The following MPEG1 variants were observed in gnomAD, a reference collection of about 807,000 sequenced individuals.
MPEG1 encodes macrophage-expressed gene 1 protein.
For missense variants in MPEG1, 876 were observed against 880.3 expected, an observed-to-expected ratio of 1.00 and a Z score of 0.06; for synonymous variants, 365 against 351.9, an observed-to-expected ratio of 1.04 and a Z score of -0.42.
rs1394846021 is a variant in MPEG1 at position 59,210,633 on chromosome 11, C to G, written c.*82G>C. 10 of 1,328,466 alleles carry G rather than the reference C, an allele frequency of 7.5e-6. No homozygotes were observed. Among genetic ancestry groups the G allele is most frequent in the Non-Finnish European group, 1.1e-5 (10 of 951,528 alleles). The allele number at this position is 1,328,466 out of a possible 1,614,324, so 82.3% of individuals were successfully genotyped here. A position where few individuals can be genotyped will look rare whatever the true frequency, so the allele number is the denominator to read the frequency against. On this transcript the variant is annotated 3_prime_UTR_variant, in exon 1 of 1. Coordinates refer to ENST00000361050, the MANE Select transcript of MPEG1 (RefSeq NM_001039396.2). ...ACGAATATACCTACTTTTGGTTGCA[C>G]TTGCCATTTCAATGCTTAGGAAAAC...
chr11:59,212,573 G>A lies in MPEG1; in HGVS notation c.293C>T (p.Ser98Leu). Reference sequence around the variant, plus strand: ...ATTTGCCCAGGATTCCAGGATTTCTGAGTTCATCTCCAGGTTGCTCTGTTT... The same window carrying A: ...ATTTGCCCAGGATTCCAGGATTTCTAAGTTCATCTCCAGGTTGCTCTGTTT... ...PQKQSNLEMN[S>L]EILESWANYQ... Residue 98 changes from serine (S) to leucine (L), a missense_variant, in exon 1 of 1, where the codon TCA becomes TTA. Coordinates refer to ENST00000361050, the MANE Select transcript of MPEG1 (RefSeq NM_001039396.2). The A allele has an allele frequency of 1.2e-6, 2 of 1,614,214 alleles. No individual in the cohort carries two copies. The highest frequency in any genetic ancestry group is 4.5e-5 in the East Asian group (2 of 44,886).
Position 59,211,607 on chromosome 11 carries a change from T to A in MPEG1, c.1259A>T (p.His420Leu). 1 of 1,614,152 alleles carries A rather than the reference T, an allele frequency of 6.2e-7. No individual in the cohort carries two copies. The highest frequency in any genetic ancestry group is 1.3e-5 in the African/African-American group (1 of 75,038). Reference sequence around the variant, plus strand: ...CTCCTCGTGGATCTGGGATAACAGGTGCACCGGGGAGTAGCCAGAGGGGCA... The same window carrying A: ...CTCCTCGTGGATCTGGGATAACAGGAGCACCGGGGAGTAGCCAGAGGGGCA... ...FSCPSGYSPV[H>L]LLSQIHEEGY... The change falls in exon 1 of 1, where the codon CAC becomes CTC. Residue 420 changes from histidine to leucine, a missense_variant. Transcript: ENST00000361050.
In MPEG1 at chr11:59,212,684, C is replaced by T. The variant is rs1394020974; in HGVS notation, c.182G>A (p.Arg61Gln). The T allele has an allele frequency of 6.2e-6, 10 of 1,614,116 alleles. No individual in the cohort carries two copies. In the East Asian group the frequency reaches 1.6e-4, roughly 25 times the overall value. The change falls in exon 1 of 1, where the codon CGA becomes CAA. Residue 61 changes from arginine (R) to glutamine (Q), a missense_variant. Physicochemically the swap from Arg to Gln is conservative, Grantham distance 43. Coordinates refer to ENST00000361050, the MANE Select transcript of MPEG1 (RefSeq NM_001039396.2). ...GTTGGAGTAAGTCAATTCCATAACTCGTCCCATGTCCACATTCCGCAGATT... is the reference window on the plus strand; with the variant it reads ...GTTGGAGTAAGTCAATTCCATAACTTGTCCCATGTCCACATTCCGCAGATT... ...WDNLRNVDMG[R>Q]VMELTYSNCR...
rs1862883656 is a variant in MPEG1, at chr11:59,211,102, C to T, written c.1764G>A (p.Leu588=). ...VKSGLFTGGS[L]PPARLPPFTR... ...TGAAAGGTGGGAGCCTGGCAGGGGG[C>T]AGGGACCCTCCTGTGAAGAGCCCGG... Residue 588 remains leucine (L), a synonymous_variant, in exon 1 of 1, where the codon CTG becomes CTA. Coordinates refer to ENST00000361050, the MANE Select transcript of MPEG1 (RefSeq NM_001039396.2). The T allele has an allele frequency of 6.2e-7, 1 of 1,614,074 alleles. No homozygotes were observed. Among genetic ancestry groups the T allele is most frequent in the Admixed American group, 1.7e-5 (1 of 60,006 alleles).
chr11:59,210,547 A>T lies in MPEG1; in HGVS notation c.*168T>A, dbSNP rs894151791. 1 of 647,324 alleles carries T rather than the reference A, an allele frequency of 1.5e-6. No homozygotes were observed. The highest frequency in any genetic ancestry group is 2.7e-6 in the Non-Finnish European group (1 of 376,434). The allele number at this position is 647,324 out of a possible 1,614,324, so 40.1% of individuals were successfully genotyped here. A position where few individuals can be genotyped will look rare whatever the true frequency, so the allele number is the denominator to read the frequency against. ...TAGTCCCAACTGTTCCCTCTCCCCAATCCCAACCTTATCCATGTAACAGTA... is the reference window on the plus strand; with the variant it reads ...TAGTCCCAACTGTTCCCTCTCCCCATTCCCAACCTTATCCATGTAACAGTA... On this transcript the variant is annotated 3_prime_UTR_variant, in exon 1 of 1. Coordinates refer to ENST00000361050, the MANE Select transcript of MPEG1 (RefSeq NM_001039396.2).
At position 59,211,160 on chromosome 11, in the gene MPEG1, C is replaced by T. The variant is rs375435808; in HGVS notation, c.1706G>A (p.Ser569Asn). The T allele has an allele frequency of 2.5e-6, 4 of 1,614,226 alleles. No individual in the cohort carries two copies. The highest frequency in any genetic ancestry group is 2.7e-5 in the African/African-American group (2 of 75,050). The change falls in exon 1 of 1, where the codon AGC becomes AAC. Residue 569 changes from serine to asparagine, a missense_variant. Coordinates refer to ENST00000361050, the MANE Select transcript of MPEG1 (RefSeq NM_001039396.2). ...GGFSQHPALI[S>N]DGCQVSYCVK... is the part of the protein sequence containing the mutation. ...GCAATAGGACACTTGGCATCCATCG[C>T]TGATGAGGGCTGGGTGCTGGCTGAA...
rs757689661 is a variant in MPEG1, at chr11:59,211,171, T to A, written c.1695A>T (p.Pro565=). Residue 565 remains proline, a synonymous_variant, in exon 1 of 1, where the codon CCA becomes CCT. Transcript: ENST00000361050. ...KKCPGGFSQH[P]ALISDGCQVS... ...CTTGGCATCCATCGCTGATGAGGGC[T>A]GGGTGCTGGCTGAAGCCCCCGGGGC... 5.0e-6 allele frequency: 8 copies of A among 1,614,124 alleles called. No homozygotes were observed. In the Admixed American group the frequency reaches 1.3e-4, roughly 27 times the overall value.
chr11:59,209,458 G>A lies in MPEG1; in HGVS notation c.*1257C>T, dbSNP rs1260694042. 6.6e-6 allele frequency: 1 copy of A among 152,194 alleles called. No homozygotes were observed. Among genetic ancestry groups the A allele is most frequent in the Non-Finnish European group, 1.5e-5 (1 of 68,040 alleles). 9.4% of individuals were successfully genotyped at this position (152,194 alleles called of 1,614,324 possible). Reference sequence around the variant, plus strand: ...GAGATTGGTATTAAAATTGAGCAAAGTCCCAACTCTCACCAGATGACAATT... The same window carrying A: ...GAGATTGGTATTAAAATTGAGCAAAATCCCAACTCTCACCAGATGACAATT... On this transcript the variant is annotated 3_prime_UTR_variant, in exon 1 of 1. Coordinates refer to ENST00000361050, the MANE Select transcript of MPEG1 (RefSeq NM_001039396.2).
rs1348533633 is a variant in MPEG1 at position 59,210,689 on chromosome 11, G to A, written c.*26C>T. Reference sequence around the variant, plus strand: ...GGTCAGCAATGACCACACTGGAGATGAGAGAAACCATTTTCGGGGAGAGAT... The same window carrying A: ...GGTCAGCAATGACCACACTGGAGATAAGAGAAACCATTTTCGGGGAGAGAT... On this transcript the variant is annotated 3_prime_UTR_variant, in exon 1 of 1. Transcript: ENST00000361050. The A allele has an allele frequency of 3.1e-6, 5 of 1,597,118 alleles. No individual in the cohort carries two copies. Among genetic ancestry groups the A allele is most frequent in the African/African-American group, 1.3e-5 (1 of 74,682 alleles).
Position 59,212,392 on chromosome 11 carries a change from T to A in MPEG1, c.474A>T (p.Thr158=). Reference sequence around the variant, plus strand: ...GCTCTAAAGTTGGGTTGATTTTGACTGTGTAGACGAGGTTTCTTACCTGAA... The same window carrying A: ...GCTCTAAAGTTGGGTTGATTTTGACAGTGTAGACGAGGTTTCTTACCTGAA... ...TRVQVRNLVY[T]VKINPTLELS... Residue 158 remains threonine (T), a synonymous_variant, in exon 1 of 1, where the codon ACA becomes ACT. Transcript: ENST00000361050. The A allele has an allele frequency of 6.2e-7, 1 of 1,614,190 alleles. No individual in the cohort carries two copies. The highest frequency in any genetic ancestry group is 8.5e-7 in the Non-Finnish European group (1 of 1,179,994).
In MPEG1 at chr11:59,212,118, A is replaced by G. The variant is rs984562259; in HGVS notation, c.748T>C (p.Phe250Leu). The part of the protein sequence containing the change: ...AGLAFQNTVN[F>L]KFEENYTSQN... ...GAGGTATAGTTTTCCTCAAATTTGA[A>G]GTTCACGGTGTTTTGAAAGGCAAGT... is the stretch of plus-strand genomic sequence containing the variant. The change falls in exon 1 of 1, where the codon TTC (phenylalanine) becomes CTC (leucine). Residue 250 changes from phenylalanine to leucine, a missense_variant. By Grantham distance (22) the Phe-to-Leu change is conservative. Coordinates refer to ENST00000361050, the MANE Select transcript of MPEG1 (RefSeq NM_001039396.2). 2 of 1,614,120 alleles carry G rather than the reference A, an allele frequency of 1.2e-6. No individual in the cohort carries two copies. The highest frequency in any genetic ancestry group is 2.2e-5 in the South Asian group (2 of 91,080).
In MPEG1 at chr11:59,211,759, G is replaced by A. The variant is rs771098126; in HGVS notation, c.1107C>T (p.Cys369=). Residue 369 remains cysteine (C), a synonymous_variant, in exon 1 of 1, where the codon TGC becomes TGT. Transcript: ENST00000361050. ...NFQANTDDGS[C]EGKMTNFSFG... ...AAGAGAAGTTGGTCATTTTCCCCTC[G>A]CAGGAGCCATCATCCGTGTTGGCCT... The A allele has an allele frequency of 7.1e-5, 115 of 1,614,030 alleles. No individual in the cohort carries two copies. The highest frequency in any genetic ancestry group is 8.8e-5 in the South Asian group (8 of 91,090).
At position 59,210,883 on chromosome 11, in the gene MPEG1, T is replaced by A. The variant is rs200492555; in HGVS notation, c.1983A>T (p.Thr661=). ...GLSGGAAAGV[T]VGVTTILAVV... ...CAGCCAGAATGGTGGTGACCCCCAC[T>A]GTGACCCCAGCTGCAGCCCCTCCTG... The change falls in exon 1 of 1, where the codon ACA becomes ACT. Residue 661 remains threonine, a synonymous_variant. Coordinates refer to ENST00000361050, the MANE Select transcript of MPEG1 (RefSeq NM_001039396.2). The A allele has an allele frequency of 7.9e-4, 1,273 of 1,614,012 alleles. No individual in the cohort carries two copies. The highest frequency in any genetic ancestry group is 1.0e-3 in the Non-Finnish European group (1,190 of 1,179,998).
Position 59,208,714 on chromosome 11 carries a change from G to A in MPEG1, c.*2001C>T, listed in dbSNP as rs1045402503. 3.9e-5 allele frequency: 6 copies of A among 152,212 alleles called. No individual in the cohort carries two copies. Among genetic ancestry groups the A allele is most frequent in the African/African-American group, 1.4e-4 (6 of 41,452 alleles). The allele number at this position is 152,212 out of a possible 1,614,324, so 9.4% of individuals were successfully genotyped here. ...CAGTTAGGAACCCAGGACTTGGAAG[G>A]CAGAGCCTGTGAGCTCTTCCATCAG... On this transcript the variant is annotated 3_prime_UTR_variant, in exon 1 of 1. Coordinates refer to ENST00000361050, the MANE Select transcript of MPEG1 (RefSeq NM_001039396.2).
Position 59,210,604 on chromosome 11 carries a change from A to G in MPEG1, c.*111T>C. 1.1e-6 allele frequency: 1 copy of G among 938,352 alleles called. No homozygotes were observed. The highest frequency in any genetic ancestry group is 1.6e-6 in the Non-Finnish European group (1 of 612,762). The allele number at this position is 938,352 out of a possible 1,614,324, so 58.1% of individuals were successfully genotyped here. A position where few individuals can be genotyped will look rare whatever the true frequency, so the allele number is the denominator to read the frequency against. On this transcript the variant is annotated 3_prime_UTR_variant, in exon 1 of 1. Transcript: ENST00000361050. The stretch of plus-strand genomic sequence containing the variant: ...TCCTGGCCCAGAGACCTAAACAAGA[A>G]GTCACGAATATACCTACTTTTGGTT...
Position 59,211,906 on chromosome 11 carries a change from AG to A in MPEG1, c.959del (p.Pro320LeufsTer8). ...LHFFINPNML[P>X]DLPGPLVKKV... is the part of the protein sequence containing the mutation. Reference sequence around the variant, plus strand: ...TCTTCACCAGGGGGCCTGGCAAGTCAGGTAGCATGTTGGGGTTGATGAAGAA... The same window carrying A: ...TCTTCACCAGGGGGCCTGGCAAGTCAGTAGCATGTTGGGGTTGATGAAGAA... On this transcript the variant is annotated frameshift_variant, in exon 1 of 1. Transcript: ENST00000361050. LOFTEE classifies it low-confidence loss of function (END_TRUNC). The A allele has an allele frequency of 6.2e-7, 1 of 1,614,018 alleles. No individual in the cohort carries two copies. Among genetic ancestry groups the A allele is most frequent in the South Asian group, 1.1e-5 (1 of 91,056 alleles).
At position 59,211,471 on chromosome 11, in the gene MPEG1, ACAC is replaced by A. The variant is rs1862890706; in HGVS notation, c.1392_1394del (p.Trp464del). The A allele has an allele frequency of 6.2e-7, 1 of 1,614,108 alleles. No individual in the cohort carries two copies. Among genetic ancestry groups the A allele is most frequent in the African/African-American group, 1.3e-5 (1 of 74,942 alleles). On this transcript the variant is annotated inframe_deletion, in exon 1 of 1. Coordinates refer to ENST00000361050, the MANE Select transcript of MPEG1 (RefSeq NM_001039396.2). Reference sequence around the variant, plus strand: ...TTTCAGGTACTTGGCTGCTGGCCACACACCAAAAAGCCCTAAATTCAGCTTTTG... The same window carrying A: ...TTTCAGGTACTTGGCTGCTGGCCACACAAAAAGCCCTAAATTCAGCTTTTG...
In MPEG1 at chr11:59,211,466, G is replaced by A. The variant is rs1299241793; in HGVS notation, c.1400C>T (p.Ala467Val). 5.0e-6 allele frequency: 8 copies of A among 1,614,146 alleles called. No homozygotes were observed. The highest frequency in any genetic ancestry group is 2.2e-5 in the East Asian group (1 of 44,878). The change falls in exon 1 of 1, where the codon GCC becomes GTC. Residue 467 changes from alanine to valine, a missense_variant. By Grantham distance (64) the Ala-to-Val change is moderately conservative. Transcript: ENST00000361050. Reference protein sequence around the residue: ...KAEFRAFWCVASSQVPENSGL... With the variant: ...KAEFRAFWCVVSSQVPENSGL... Reference sequence around the variant, plus strand: ...TGAGTTTTCAGGTACTTGGCTGCTGGCCACACACCAAAAAGCCCTAAATTC... The same window carrying A: ...TGAGTTTTCAGGTACTTGGCTGCTGACCACACACCAAAAAGCCCTAAATTC...
rs1164846086 is a variant in MPEG1, at chr11:59,211,214, G to A, written c.1652C>T (p.Ala551Val). 6.2e-7 allele frequency: 1 copy of A among 1,614,166 alleles called. No individual in the cohort carries two copies. Among genetic ancestry groups the A allele is most frequent in the African/African-American group, 1.3e-5 (1 of 75,044 alleles). Residue 551 changes from alanine to valine, a missense_variant, in exon 1 of 1, where the codon GCA (alanine) becomes GTA (valine). Ala to Val is a moderately conservative substitution (Grantham distance 64). Coordinates refer to ENST00000361050, the MANE Select transcript of MPEG1 (RefSeq NM_001039396.2). ...CCCGGGGCACTTTTTCAGAGACGGT[G>A]CCCCTAAATCTCTGGATATAGCAGG... ...VDPAISRDLG[A>V]PSLKKCPGGF...
Sources: allele counts gnomAD v4.1 joint callset, GRCh38; gene constraint gnomAD v4.1.1; transcripts MANE v1.5; gene names NCBI Gene and HGNC (gene_info 2026-07-23, HGNC 2026-07-21).